FOXN3: variants seen among roughly 807,000 people sequenced by gnomAD.
The protein encoded by FOXN3 is forkhead box protein N3.
Under a neutral mutation model 38.4 loss-of-function variants are expected in FOXN3, and 7 were observed. That is an observed-to-expected ratio of 0.18 (90% CI 0.10 to 0.34). The LOEUF (loss-of-function observed/expected upper bound fraction) is 0.34, where lower values mean the gene tolerates loss of function less well. Ranked by LOEUF, FOXN3 falls within the 10% of genes least tolerant of loss-of-function variation. The probability of loss-of-function intolerance (pLI) is 1.00; values close to 1 mark genes in which losing one functional copy is unlikely to be tolerated. For missense variants in FOXN3, 456 were observed against 613.4 expected, an observed-to-expected ratio of 0.74 and a Z score of 2.71; for synonymous variants, 230 against 242.2, an observed-to-expected ratio of 0.95 and a Z score of 0.47.
intron 3 of FOXN3, among the ~76,000 whole-genome samples, chr14:89,309,566 C>G (rs1436491255): frequency 6.6e-6 from 1 of 152,124 alleles, no homozygotes; most frequent in Non-Finnish European, 1.5e-5. Flanking sequence ...ATTGGAGCAA[C>G]AGCAAAACCA....
chr14:89,238,927 GACAA>G (rs770492425), intron 4 of FOXN3, among the ~76,000 whole-genome samples: 1 of 152,108 alleles, frequency 6.6e-6, no homozygotes, highest in Non-Finnish European at 1.5e-5. Flanking sequence ...CCACGGAAAT[GACAA>G]ACAGACAACA....
At chr14:89,382,221 G>C (rs919315436) in intron 2 of FOXN3, among the ~76,000 whole-genome samples, 8 of 152,044 alleles carry the variant, frequency 5.3e-5, no homozygotes, top group African/African-American at 1.9e-4. Context: ...CAGTAGGTCT[G>C]GTGTCACCAA....
In FOXN3 at chr14:89,450,617, G is replaced by A. The variant is rs532702256; in HGVS notation, c.-14-38127C>T. Among the ~76,000 whole-genome samples, 608 of 146,118 alleles carry A rather than the reference G, an allele frequency of 4.2e-3. 1 individual carries two copies. Among genetic ancestry groups the A allele is most frequent in the Non-Finnish European group, 6.0e-3 (399 of 66,954 alleles). Reference sequence around the variant, plus strand: ...TTTTTTTTTTTTTAGACAGAGTCTCGCCCTGTCGCCCAGGCTGGAGTGCAG... The same window carrying A: ...TTTTTTTTTTTTTAGACAGAGTCTCACCCTGTCGCCCAGGCTGGAGTGCAG... On this transcript the variant is annotated intron_variant, in intron 1 of 6. Transcript: ENST00000345097.
At chr14:89,200,579 C>T (rs1888211445) in intron 4 of FOXN3, among the ~76,000 whole-genome samples, 1 of 152,218 alleles carries the variant, frequency 6.6e-6, no homozygotes, top group African/African-American at 2.4e-5. Context: ...TACCTTGATA[C>T]TCCCCAGGCA....
chr14:89,490,149 T>G (rs955298990), intron 1 of FOXN3, among the ~76,000 whole-genome samples: 1 of 152,216 alleles, frequency 6.6e-6, no homozygotes. Flanking sequence ...GGGAGGCATG[T>G]GCTTTCTTTT....
At chr14:89,460,275 A>G (rs576327397) in intron 1 of FOXN3, among the ~76,000 whole-genome samples, 1 of 152,250 alleles carries the variant, frequency 6.6e-6, no homozygotes, top group Non-Finnish European at 1.5e-5. Flanking sequence ...TAAGTGCTTC[A>G]ATTAAATGCG....
At chr14:89,328,546 T>C (rs1408105515) in intron 3 of FOXN3, among the ~76,000 whole-genome samples, 1 of 152,074 alleles carries the variant, frequency 6.6e-6, no homozygotes, top group Non-Finnish European at 1.5e-5. Flanking sequence ...CCTGGATGAA[T>C]GGGGGAAGAG....
At chr14:89,346,384 T>G (rs897731978) in intron 3 of FOXN3, among the ~76,000 whole-genome samples, 24 of 152,338 alleles carry the variant, frequency 1.6e-4, no homozygotes, top group African/African-American at 5.8e-4. Context: ...CTTCTTAGTC[T>G]CCTCTGGTCT....
Position 89,545,788 on chromosome 14 carries a change from C to G in FOXN3, c.-15+73240G>C, listed in dbSNP as rs368483289. 3.9e-5 allele frequency among the ~76,000 whole-genome samples: 6 copies of G among 152,288 alleles called. No individual in the cohort carries two copies. In the East Asian group the frequency reaches 1.2e-3, roughly 29 times the overall value. On this transcript the variant is annotated intron_variant, in intron 1 of 6. Coordinates refer to the FOXN3 transcript ENST00000345097. Reference sequence around the variant, plus strand: ...CTGATCTGTGGGGCAGAGCTACTCTCAAGTCCAACACTGGCCACCCTTCAC... The same window carrying G: ...CTGATCTGTGGGGCAGAGCTACTCTGAAGTCCAACACTGGCCACCCTTCAC...
intron 1 of FOXN3, among the ~76,000 whole-genome samples, chr14:89,571,510 C>CA (rs771337347): frequency 0.076 from 5,395 of 71,376 alleles, 201 homozygotes; most frequent in Admixed American, 0.17. Flanking sequence ...CTCTGTCTCA[C>CA]AAAAAAAAAA....
At chr14:89,185,780 C>T (rs2139801989) in intron 4 of FOXN3, 1 of 152,428 alleles carries the variant, frequency 6.6e-6, no homozygotes, top group African/African-American at 2.4e-5. Flanking sequence ...GCCACGTTCT[C>T]TGCAGTTAGA....
chr14:89,471,660 C>CACAT (rs1343416118), intron 1 of FOXN3, among the ~76,000 whole-genome samples: 1 of 152,156 alleles, frequency 6.6e-6, no homozygotes, highest in African/African-American at 2.4e-5. Context: ...ATACTGAAGA[C>CACAT]ACATACTACA....
At chr14:89,504,440 A>G (rs1392499567) in intron 1 of FOXN3, among the ~76,000 whole-genome samples, 1 of 152,232 alleles carries the variant, frequency 6.6e-6, no homozygotes, top group Non-Finnish European at 1.5e-5. Flanking sequence ...TGGGAGAACA[A>G]AACAATAGCC....
intron 2 of FOXN3, among the ~76,000 whole-genome samples, chr14:89,371,992 C>T (rs925803609): frequency 6.6e-6 from 1 of 152,210 alleles, no homozygotes; most frequent in Non-Finnish European, 1.5e-5. Context: ...GCTAGTTTCT[C>T]GCATCCCTGC....
intron 4 of FOXN3, among the ~76,000 whole-genome samples, chr14:89,225,255 C>T (rs923639113): frequency 6.6e-6 from 1 of 150,974 alleles, no homozygotes; most frequent in African/African-American, 2.4e-5. Context: ...CAGTGAGATG[C>T]GATCACGTCA....
At chr14:89,609,862 A>G (rs1896355093) in intron 1 of FOXN3, among the ~76,000 whole-genome samples, 2 of 152,112 alleles carry the variant, frequency 1.3e-5, no homozygotes, top group African/African-American at 4.8e-5. Context: ...AGCCCTGGGG[A>G]TAAATTAGAT....
intron 1 of FOXN3, among the ~76,000 whole-genome samples, chr14:89,513,924 ACACACGCACG>A (rs1315488497): frequency 6.7e-6 from 1 of 150,262 alleles, no homozygotes; most frequent in African/African-American, 2.4e-5. Context: ...ACACACACAC[ACACACGCACG>A]CACACACGCA....
intron 2 of FOXN3, among the ~76,000 whole-genome samples, chr14:89,381,674 C>T (rs1216561769): frequency 6.6e-6 from 1 of 151,734 alleles, no homozygotes. Flanking sequence ...GACTGTGCAA[C>T]ATAGAAGACC....
intron 4 of FOXN3, among the ~76,000 whole-genome samples, chr14:89,233,962 T>C (rs1306290699): frequency 1.3e-5 from 2 of 152,182 alleles, no homozygotes; most frequent in Non-Finnish European, 1.5e-5. Flanking sequence ...CCTGTGCCTG[T>C]TCACTCCATC....
Sources: gnomAD v4.1 joint callset for allele counts (sites outside exome capture counted in the v4.1 genomes callset) on GRCh38, gnomAD v4.1.1 for gene constraint, MANE v1.5 for transcripts, NCBI Gene and HGNC (gene_info 2026-07-23, HGNC 2026-07-21) for gene names.